The following PNPLA6 variants were observed in gnomAD, a reference collection of about 807,000 sequenced individuals.
PNPLA6 encodes patatin-like phospholipase domain-containing protein 6.
In PNPLA6, 105 loss-of-function variants were observed where a neutral mutation model predicts 153.7. The observed-to-expected ratio is 0.68, with a 90% CI of 0.58 to 0.80. The LOEUF (loss-of-function observed/expected upper bound fraction) is 0.80, where lower values mean the gene tolerates loss of function less well. Ranked by LOEUF, PNPLA6 falls within the 30% of genes least tolerant of loss-of-function variation. The pLI is 0.00. For synonymous variants in PNPLA6, 825 were observed against 822.2 expected (o/e 1.00, Z -0.06); for missense variants, 1,423 against 1,919.3 (o/e 0.74, Z 4.83).
At position 7,561,584 on chromosome 19, in the gene PNPLA6, C is replaced by A; in HGVS notation, c.*22C>A. ...CTGAGGACCTCGACAGGGGTCACCC[C>A]CTCCCTCCCACCCCTGGACTGGGCT... On this transcript the variant is annotated 3_prime_UTR_variant, in exon 32 of 32. Transcript: ENST00000600737. 1 of 1,541,726 alleles carries A rather than the reference C, an allele frequency of 6.5e-7. No individual in the cohort carries two copies. Among genetic ancestry groups the A allele is most frequent in the South Asian group, 1.2e-5 (1 of 85,166 alleles).
chr19:7,544,119 T>G (rs541043320), intron 13 of PNPLA6, among the ~76,000 whole-genome samples: 3 of 149,368 alleles, frequency 2.0e-5, no homozygotes, highest in Admixed American at 1.3e-4. Context: ...GGCCTTTTTT[T>G]TTTTGTTTTG....
chr19:7,558,813 CG>C, intron 27 of PNPLA6, 36 bp from the exon 28 acceptor site: 2 of 1,566,346 alleles, frequency 1.3e-6, no homozygotes, highest in Non-Finnish European at 1.7e-6. Context: ...CCCGGGCCCC[CG>C]AGGGGAGCAG....
chr19:7,543,077 GAGACC>G lies in PNPLA6; in HGVS notation c.1604_1608del (p.Asp535GlyfsTer69). 6.2e-7 allele frequency: 1 copy of G among 1,613,834 alleles called. No homozygotes were observed. On this transcript the variant is annotated frameshift_variant and splice_region_variant, in exon 13 of 32. Transcript: ENST00000600737. LOFTEE classifies it high-confidence loss of function. ...GCTGGCACCATCATTGCCCGCCAGG[GAGACC>G]AGGTGAGGCTGACCCCTGACCTGTA...
rs372843776 is a variant in PNPLA6, at chr19:7,555,570, G to T, written c.2937-37G>T. Reference sequence around the variant, plus strand: ...AGGGGCAGGGGAGTTCCTGCAGGTGGGGCCTAGCGGGTCACTGGGGCCCAT... The same window carrying T: ...AGGGGCAGGGGAGTTCCTGCAGGTGTGGCCTAGCGGGTCACTGGGGCCCAT... On this transcript the variant is annotated intron_variant, in intron 23 of 31. Coordinates refer to ENST00000600737, the MANE Select transcript of PNPLA6 (RefSeq NM_001166114.2). The surrounding 1 kb of genome is among the most constrained non-coding windows in gnomAD (Gnocchi z 6.3). 1.5e-4 allele frequency: 233 copies of T among 1,606,724 alleles called. 1 individual carries two copies. Among genetic ancestry groups the T allele is most frequent in the Non-Finnish European group, 1.2e-4 (145 of 1,176,510 alleles).
At chr19:7,547,705 A>G (rs2023441452) in intron 13 of PNPLA6, among the ~76,000 whole-genome samples, 1 of 151,932 alleles carries the variant, frequency 6.6e-6, no homozygotes, top group Non-Finnish European at 1.5e-5. Flanking sequence ...TGACGCTATC[A>G]TAGCTCACTG....
chr19:7,554,314 C>G (rs747659024), intron 20 of PNPLA6, 42 bp downstream of exon 20: 1 of 1,546,326 alleles, frequency 6.5e-7, no homozygotes, highest in Non-Finnish European at 8.9e-7. Flanking sequence ...GTGGGTGGGC[C>G]TGGAGCCTCA....
At chr19:7,536,137 G>T in intron 1 of PNPLA6, 54 bp from the exon 2 acceptor site, 2 of 1,518,346 alleles carry the variant, frequency 1.3e-6, no homozygotes, top group Non-Finnish European at 9.1e-7. Flanking sequence ...CCCAGCTCTG[G>T]CAGGGTGGAG....
At position 7,540,710 on chromosome 19, in the gene PNPLA6, C is replaced by T. The variant is rs752370155; in HGVS notation, c.795C>T (p.Thr265=). The T allele has an allele frequency of 9.9e-6, 16 of 1,611,756 alleles. No individual in the cohort carries two copies. The highest frequency in any genetic ancestry group is 7.7e-5 in the South Asian group (7 of 91,046). ...NSLLSILDVI[T]GHQHPQRTVS... ...TTCTCAGCATCCTGGATGTCATCAC[C>T]GTGAGTGACCAGTTTCTGAGGCAGG... The change falls in exon 6 of 32, where the codon ACC becomes ACT. Residue 265 remains threonine (T), a splice_region_variant and synonymous_variant. Transcript: ENST00000600737. This position sits in a 1 kb window ranked among gnomAD's most constrained non-coding sequence, Gnocchi z 6.8.
Position 7,555,720 on chromosome 19 carries a change from G to T in PNPLA6, c.3050G>T (p.Arg1017Leu), listed in dbSNP as rs2023849868. The change falls in exon 24 of 32, where the codon CGC (arginine) becomes CTC (leucine). Residue 1017 changes from arginine to leucine, a missense_variant. Coordinates refer to ENST00000600737, the MANE Select transcript of PNPLA6 (RefSeq NM_001166114.2). This position sits in a 1 kb window ranked among gnomAD's most constrained non-coding sequence, Gnocchi z 6.3. ...ATCGGAGCGTTGTACGCGGAGGAGC[G>T]CAGCGCCAGCCGCACGAAGCAGCGG... The part of the protein sequence containing the change: ...SFIGALYAEE[R>L]SASRTKQRAR... 1 of 1,613,802 alleles carries T rather than the reference G, an allele frequency of 6.2e-7. No homozygotes were observed. The highest frequency in any genetic ancestry group is 8.5e-7 in the Non-Finnish European group (1 of 1,179,856).
chr19:7,547,811 ATTT>A (rs71286227), intron 13 of PNPLA6, among the ~76,000 whole-genome samples: 7 of 114,498 alleles, frequency 6.1e-5, no homozygotes, highest in African/African-American at 1.4e-4. Flanking sequence ...CTAATTAAAA[ATTT>A]TTTTTTTTTT....
rs771821425 is a variant in PNPLA6 at position 7,554,630 on chromosome 19, C to T, written c.2541C>T (p.Asp847=). 2 of 1,614,080 alleles carry T rather than the reference C, an allele frequency of 1.2e-6. No homozygotes were observed. The highest frequency in any genetic ancestry group is 1.7e-5 in the Admixed American group (1 of 60,026). ...DAHRIVLYQT[D]ASLTPWTVRC... ...ACCGTATCGTACTCTACCAGACGGACGCCTCGCTGACGCCCTGGACCGTGC... is the reference window on the plus strand; with the variant it reads ...ACCGTATCGTACTCTACCAGACGGATGCCTCGCTGACGCCCTGGACCGTGC... Residue 847 remains aspartate (D), a synonymous_variant, in exon 21 of 32, where the codon GAC becomes GAT. Transcript: ENST00000600737.
chr19:7,542,851 G>C lies in PNPLA6; in HGVS notation c.1453G>C (p.Gly485Arg). Residue 485 changes from glycine (G) to arginine (R), a missense_variant, in exon 12 of 32, where the codon GGG (glycine) becomes CGG (arginine). Around this residue, in one of 10 missense-constraint regions of PNPLA6, gnomAD observed 267 missense variants for 255.1 expected, o/e 1.05. Transcript: ENST00000600737. The stretch of plus-strand genomic sequence containing the variant: ...GTCGGCCACTGGTGGCTGCCCTTTC[G>C]GGCCCTACCAGGGCCGCCAGACCAG... ...DESATGGCPF[G>R]PYQGRQTSSI... The C allele has an allele frequency of 6.2e-7, 1 of 1,612,950 alleles. No individual in the cohort carries two copies. Among genetic ancestry groups the C allele is most frequent in the South Asian group, 1.1e-5 (1 of 91,088 alleles).
In PNPLA6 at chr19:7,550,510, C is replaced by T. The variant is rs1219660248; in HGVS notation, c.1947-7C>T. 2.5e-6 allele frequency: 4 copies of T among 1,613,036 alleles called. No homozygotes were observed. The highest frequency in any genetic ancestry group is 1.7e-5 in the Admixed American group (1 of 60,010). On this transcript the variant is annotated splice_region_variant and splice_polypyrimidine_tract_variant and intron_variant, in intron 15 of 31. Transcript: ENST00000600737. ...GTCAGACCTTGCTGACCTCCACGCC[C>T]ACTCAGGCAGGGCGACCGCTCCGAC...
At chr19:7,557,619 A>C in intron 27 of PNPLA6, 3 of 366,580 alleles carry the variant, frequency 8.2e-6, no homozygotes, top group South Asian at 6.3e-5. Flanking sequence ...CCCCGTCTCT[A>C]CTAAAAATAC....
rs189590966 is a variant in PNPLA6, at chr19:7,550,911, G to A, written c.2071-83G>A. On this transcript the variant is annotated intron_variant, in intron 16 of 31. Coordinates refer to ENST00000600737, the MANE Select transcript of PNPLA6 (RefSeq NM_001166114.2). ...CCCCATTGCAGGGGAGCCCTAGATG[G>A]GGCAGTACAGCCCCCTTTCCACCCA... The A allele has an allele frequency of 2.7e-4, 300 of 1,092,510 alleles. 1 individual carries two copies. The highest frequency in any genetic ancestry group is 2.6e-3 in the African/African-American group (170 of 64,708). 67.7% of individuals were successfully genotyped at this position (1,092,510 alleles called of 1,614,324 possible). A position where few individuals can be genotyped will look rare whatever the true frequency, so the allele number is the denominator to read the frequency against.
upstream of PNPLA6, chr19:7,535,114 A>G (rs2022784802): frequency 2.2e-5 from 6 of 278,500 alleles, no homozygotes; most frequent in South Asian, 2.5e-4. This position sits in a 1 kb window ranked among gnomAD's most constrained non-coding sequence, Gnocchi z 5.0. Flanking sequence ...GTCAGGCTTG[A>G]TCAACCCTGC....
Position 7,555,876 on chromosome 19 carries a change from T to A in PNPLA6, c.3093+113T>A. 3 of 1,121,044 alleles carry A rather than the reference T, an allele frequency of 2.7e-6. No individual in the cohort carries two copies. The highest frequency in any genetic ancestry group is 4.0e-6 in the Non-Finnish European group (3 of 756,810). 69.4% of individuals were successfully genotyped at this position (1,121,044 alleles called of 1,614,324 possible). On this transcript the variant is annotated intron_variant, in intron 24 of 31. Coordinates refer to ENST00000600737, the MANE Select transcript of PNPLA6 (RefSeq NM_001166114.2). The surrounding 1 kb of genome is among the most constrained non-coding windows in gnomAD (Gnocchi z 6.3). Reference sequence around the variant, plus strand: ...CGGGGTCAGGGTGACCCTTCCTGATTAAATCTATGATCCCCAGCTGTCCGG... The same window carrying A: ...CGGGGTCAGGGTGACCCTTCCTGATAAAATCTATGATCCCCAGCTGTCCGG...
At chr19:7,536,650 C>T (rs1000549473) in intron 3 of PNPLA6, 104 bp downstream of exon 3, 8 of 794,726 alleles carry the variant, frequency 1.0e-5, no homozygotes, top group South Asian at 2.9e-5. Flanking sequence ...ATATTGGCTG[C>T]GCGCTGTGGC....
At chr19:7,552,282 C>A (rs1467178872) in intron 18 of PNPLA6, among the ~76,000 whole-genome samples, 1 of 152,070 alleles carries the variant, frequency 6.6e-6, no homozygotes, top group African/African-American at 2.4e-5. Context: ...ATGGGGCGTG[C>A]GGTGGGGTTG....
Sources: gnomAD v4.1 joint callset for allele counts (sites outside exome capture counted in the v4.1 genomes callset) on GRCh38, gnomAD v4.1.1 for gene constraint, gnomAD v4.1.1 regional missense constraint, Gnocchi (gnomAD v3.1) non-coding constraint, MANE v1.5 for transcripts, NCBI Gene and HGNC (gene_info 2026-07-23, HGNC 2026-07-21) for gene names.